The following LRRIQ3 variants were observed in gnomAD, a reference collection of about 807,000 sequenced individuals.
The protein encoded by LRRIQ3 is leucine-rich repeat and IQ domain-containing protein 3.
Under a neutral mutation model 59.3 loss-of-function variants are expected in LRRIQ3, and 75 were observed. The ratio of observed to expected loss-of-function variants is 1.26; its 90% CI spans 1.05 to 1.53. LRRIQ3 has a LOEUF of 1.53. Ranked by LOEUF, LRRIQ3 falls within the 40% of genes most tolerant of loss-of-function variation. LRRIQ3 has a pLI of 0.00. For synonymous variants in LRRIQ3, 250 were observed against 231.3 expected, an observed-to-expected ratio of 1.08 and a Z score of -0.73; for missense variants, 831 against 710.0, an observed-to-expected ratio of 1.17 and a Z score of -1.94.
At chr1:74,170,198 T>G (rs570226944) in intron 3 of LRRIQ3, among the ~76,000 whole-genome samples, 2 of 152,312 alleles carry the variant, frequency 1.3e-5, no homozygotes, top group Non-Finnish European at 2.9e-5. Context: ...CTTAATGGAC[T>G]GTTTTTGCTT....
At chr1:74,043,758 C>T (rs1344096516) in intron 6 of LRRIQ3, among the ~76,000 whole-genome samples, 1 of 152,104 alleles carries the variant, frequency 6.6e-6, no homozygotes, top group Non-Finnish European at 1.5e-5. Context: ...GTACCTTATA[C>T]ACAAACAAAG....
chr1:74,078,562 A>C (rs1646235228), intron 5 of LRRIQ3: 1 of 151,934 alleles, frequency 6.6e-6, no homozygotes, highest in South Asian at 2.1e-4. Flanking sequence ...AATACGTTTT[A>C]GTTAAAAGTA....
chr1:74,165,736 G>A (rs1332126377), intron 3 of LRRIQ3, among the ~76,000 whole-genome samples: 1 of 151,574 alleles, frequency 6.6e-6, no homozygotes, highest in Admixed American at 6.6e-5. Flanking sequence ...TTTTCCTCAA[G>A]TTGAGGAAGT....
intron 5 of LRRIQ3, among the ~76,000 whole-genome samples, chr1:74,106,192 C>T (rs1009017532): frequency 3.3e-5 from 5 of 151,996 alleles, no homozygotes; most frequent in African/African-American, 1.2e-4. Flanking sequence ...AGGAAGTGGA[C>T]TGTCAAAAAA....
chr1:74,042,688 ACT>A (rs1305348580), intron 6 of LRRIQ3, among the ~76,000 whole-genome samples: 1 of 151,960 alleles, frequency 6.6e-6, no homozygotes, highest in Non-Finnish European at 1.5e-5. Flanking sequence ...ATTTTTCTTA[ACT>A]CTGGTGGAAA....
intron 6 of LRRIQ3, chr1:74,050,652 T>A: frequency 1.1e-6 from 1 of 872,966 alleles, no homozygotes; most frequent in Non-Finnish European, 1.4e-6. Context: ...TCTGAAGCAG[T>A]TGCTTTCCTC....
At chr1:74,082,104 T>C (rs144229535) in intron 5 of LRRIQ3, 101 of 151,744 alleles carry the variant, frequency 6.7e-4, no homozygotes, top group African/African-American at 2.4e-3. Flanking sequence ...CATGGCATAA[T>C]ATTAAACATA....
At chr1:74,056,738 T>C (rs1175276251) in intron 6 of LRRIQ3, among the ~76,000 whole-genome samples, 1 of 152,142 alleles carries the variant, frequency 6.6e-6, no homozygotes, top group Non-Finnish European at 1.5e-5. Context: ...TGGAAAACTA[T>C]CCTGTGTTCA....
chr1:74,063,829 A>C (rs1436487096), intron 6 of LRRIQ3, among the ~76,000 whole-genome samples: 1 of 144,806 alleles, frequency 6.9e-6, no homozygotes, highest in East Asian at 1.9e-4. Context: ...GATTGTTTTT[A>C]AATTAAATCT....
chr1:74,091,842 T>C (rs1646398074), intron 5 of LRRIQ3, among the ~76,000 whole-genome samples: 1 of 152,146 alleles, frequency 6.6e-6, no homozygotes, highest in African/African-American at 2.4e-5. Context: ...TCTATTGCTT[T>C]GCCAATTGCT....
intron 6 of LRRIQ3, among the ~76,000 whole-genome samples, chr1:74,066,993 A>G (rs1287125268): frequency 3.9e-5 from 6 of 152,146 alleles, no homozygotes; most frequent in South Asian, 2.1e-4. Context: ...TGTCACCCCA[A>G]TTAAATTTAA....
intron 7 of LRRIQ3, among the ~76,000 whole-genome samples, chr1:74,030,915 G>A (rs1653687770): frequency 2.6e-5 from 4 of 152,148 alleles, no homozygotes; most frequent in Admixed American, 2.6e-4. Context: ...AAATTTACAA[G>A]AAAATAACAA....
chr1:74,131,318 C>T (rs932838976), intron 4 of LRRIQ3, among the ~76,000 whole-genome samples: 5 of 152,118 alleles, frequency 3.3e-5, no homozygotes, highest in African/African-American at 1.2e-4. Flanking sequence ...TGGTACCATT[C>T]CTTCTGAAAA....
intron 5 of LRRIQ3, 29 bp from the exon 6 acceptor site, chr1:74,074,819 A>G (rs1411751924): frequency 1.8e-6 from 2 of 1,120,286 alleles, no homozygotes; most frequent in Admixed American, 2.8e-5. Context: ...AGCAATGACA[A>G]TGATAATATC....
intron 3 of LRRIQ3, among the ~76,000 whole-genome samples, chr1:74,166,916 T>A (rs2100691272): frequency 6.6e-6 from 1 of 151,922 alleles, no homozygotes. Context: ...ACCTTACTCC[T>A]GCAAGAATGG....
At position 74,177,343 on chromosome 1, in the gene LRRIQ3, G is replaced by A. The variant is rs578099549; in HGVS notation, c.573+5195C>T. On this transcript the variant is annotated intron_variant, in intron 3 of 7. Coordinates refer to ENST00000354431, the MANE Select transcript of LRRIQ3 (RefSeq NM_001105659.2). ...CCAAGTTCTTCAGTTTTGAGACCCA[G>A]ACTGGATCTCCTTGCTCCTCAAGCT... 2.5e-4 allele frequency among the ~76,000 whole-genome samples: 38 copies of A among 152,132 alleles called. 1 individual carries two copies. The highest frequency in any genetic ancestry group is 4.1e-4 in the Non-Finnish European group (28 of 68,020).
chr1:74,060,240 TTCTTCTTCTTCTTCTTCCTCTTCC>T (rs1654677469), intron 6 of LRRIQ3, among the ~76,000 whole-genome samples: 1 of 115,338 alleles, frequency 8.7e-6, no homozygotes, highest in Admixed American at 9.3e-5. Context: ...CTTCTTCTTC[TTCTTCTTCTTCTTCTTCCTCTTCC>T]TCTTCTTTCT....
chr1:74,041,948 A>C lies in LRRIQ3; in HGVS notation c.998-15T>G. 6.4e-7 allele frequency: 1 copy of C among 1,569,972 alleles called. No individual in the cohort carries two copies. Among genetic ancestry groups the C allele is most frequent in the East Asian group, 2.3e-5 (1 of 44,418 alleles). On this transcript the variant is annotated splice_polypyrimidine_tract_variant and intron_variant, in intron 6 of 7. Coordinates refer to ENST00000354431, the MANE Select transcript of LRRIQ3 (RefSeq NM_001105659.2). ...AGACTCCTGACCTACATCAAACAGA[A>C]GCAAATATTATACATTATACAAGAG...
intron 6 of LRRIQ3, 38 bp from the exon 7 acceptor site, chr1:74,041,971 G>GAAAAAGTAAGAGTTGT: frequency 6.7e-7 from 1 of 1,483,492 alleles, no homozygotes. Context: ...CATTATACAA[G>GAAAAAGTAAGAGTTGT]AGCTAAGTAC....
Sources: allele counts gnomAD v4.1 joint callset (sites outside exome capture counted in the v4.1 genomes callset), GRCh38; gene constraint gnomAD v4.1.1; transcripts MANE v1.5; gene names NCBI Gene and HGNC (gene_info 2026-07-23, HGNC 2026-07-21).